The following INPP5D variants were observed in gnomAD, a reference collection of about 807,000 sequenced individuals.
INPP5D encodes inositol polyphosphate-5-phosphatase D, also known as phosphatidylinositol 3,4,5-trisphosphate 5-phosphatase 1.
Under a neutral mutation model 122.9 loss-of-function variants are expected in INPP5D, and 33 were observed. That is an observed-to-expected ratio of 0.27 (90% CI 0.20 to 0.36). INPP5D has a LOEUF of 0.36. Ranked by LOEUF, INPP5D falls within the 10% of genes least tolerant of loss-of-function variation. INPP5D has a pLI of 1.00. For missense variants in INPP5D, 1,053 were observed against 1,412.7 expected (o/e 0.75, Z 4.08); for synonymous variants, 584 against 576.2 (o/e 1.01, Z -0.19).
intron 6 of INPP5D, among the ~76,000 whole-genome samples, chr2:233,143,998 G>A (rs1693682360): frequency 6.9e-6 from 1 of 144,618 alleles, no homozygotes; most frequent in Non-Finnish European, 1.5e-5. Flanking sequence ...GATGGTGGAG[G>A]TGGTCATGAT....
rs1267590705 is a variant in INPP5D, at chr2:233,122,025, G to T, written c.199-82G>T. The T allele has an allele frequency of 2.0e-6, 3 of 1,518,862 alleles. No homozygotes were observed. The East Asian group carries it at 6.8e-5, about 34-fold the overall frequency. The allele number at this position is 1,518,862 out of a possible 1,614,324, so 94.1% of individuals were successfully genotyped here. The stretch of plus-strand genomic sequence containing the variant: ...CGCAGTCACTCCCTCCGCCTCGCTG[G>T]TCTCTGCTGCAGTTGGCCTTTGTGG... On this transcript the variant is annotated intron_variant, in intron 2 of 26. Transcript: ENST00000445964.
intron 6 of INPP5D, among the ~76,000 whole-genome samples, chr2:233,142,780 G>A (rs1693658571): frequency 6.6e-6 from 1 of 152,148 alleles, no homozygotes; most frequent in Non-Finnish European, 1.5e-5. Flanking sequence ...TAAACCCTCA[G>A]GTAGCAGTCA....
intron 9 of INPP5D, among the ~76,000 whole-genome samples, chr2:233,148,493 A>G (rs987308094): frequency 1.3e-5 from 2 of 152,174 alleles, no homozygotes; most frequent in African/African-American, 4.8e-5. Flanking sequence ...CAGCTAGCAG[A>G]GCAGCATGTG....
At chr2:233,114,025 T>C (rs113896321) in intron 2 of INPP5D, among the ~76,000 whole-genome samples, 47,880 of 151,312 alleles carry the variant, frequency 0.32, 10,808 homozygotes, top group African/African-American at 0.64. Flanking sequence ...ATTCTCCTGC[T>C]TCAGCCTCCC....
rs1470602966 is a variant in INPP5D at position 233,082,885 on chromosome 2, T to C, written c.198+3487T>C. 6.6e-6 allele frequency among the ~76,000 whole-genome samples: 1 copy of C among 152,220 alleles called. No individual in the cohort carries two copies. The highest frequency in any genetic ancestry group is 1.5e-5 in the Non-Finnish European group (1 of 68,030). On this transcript the variant is annotated intron_variant, in intron 2 of 26. Coordinates refer to ENST00000445964, the MANE Select transcript of INPP5D (RefSeq NM_001017915.3). This position sits in a 1 kb window ranked among gnomAD's most constrained non-coding sequence, Gnocchi z 4.7. ...CCCGGCTAAGCTTTCTTCCTTCCAA[T>C]CCAGAAGGTGTTTCCAAGCCTGTCT... is the stretch of plus-strand genomic sequence containing the variant.
chr2:233,079,493 G>C (rs1198144609), intron 2 of INPP5D, 95 bp downstream of exon 2: 4 of 823,576 alleles, frequency 4.9e-6, no homozygotes, highest in Non-Finnish European at 8.3e-6. Flanking sequence ...GCACGCGCAG[G>C]TAGCCGGACG....
chr2:233,072,096 G>A lies in INPP5D; in HGVS notation c.135-7239G>A, dbSNP rs891714100. On this transcript the variant is annotated intron_variant, in intron 1 of 26. Transcript: ENST00000445964. ...TCCACCTCAAGGAGACATACTGTGA[G>A]AATCGCTATGGACCACCTGGGAAGG... Among the ~76,000 whole-genome samples, 159 of 152,354 alleles carry A rather than the reference G, an allele frequency of 1.0e-3. 2 individuals are homozygous for A. The highest frequency in any genetic ancestry group is 4.7e-4 in the Non-Finnish European group (32 of 68,028).
intron 1 of INPP5D, among the ~76,000 whole-genome samples, chr2:233,063,093 G>A (rs988708636): frequency 2.0e-5 from 3 of 152,180 alleles, no homozygotes; most frequent in Non-Finnish European, 2.9e-5. Flanking sequence ...GTGGCCTGAC[G>A]GAGACGGCAG....
At chr2:233,098,457 C>G (rs1254686793) in intron 2 of INPP5D, among the ~76,000 whole-genome samples, 1 of 152,198 alleles carries the variant, frequency 6.6e-6, no homozygotes, top group Non-Finnish European at 1.5e-5. Context: ...AGGAAACTCT[C>G]AGGCCACAAC....
chr2:233,105,789 A>G lies in INPP5D; in HGVS notation c.199-16318A>G, dbSNP rs61068452. On this transcript the variant is annotated intron_variant, in intron 2 of 26. Coordinates refer to ENST00000445964, the MANE Select transcript of INPP5D (RefSeq NM_001017915.3). This position sits in a 1 kb window ranked among gnomAD's most constrained non-coding sequence, Gnocchi z 4.0. ...GGCCACAGGAGGACAGGCTGCCAGC[A>G]AGTGGAGGGTGCCAGGGAGAGAGTG... Among the ~76,000 whole-genome samples, 24,177 of 152,050 alleles carry G rather than the reference A, an allele frequency of 0.16. 4,166 individuals carry two copies. Among genetic ancestry groups the G allele is most frequent in the African/African-American group, 0.43 (17,787 of 41,438 alleles).
At chr2:233,166,983 CAAA>C (rs762605517) in intron 13 of INPP5D, among the ~76,000 whole-genome samples, 1 of 125,572 alleles carries the variant, frequency 8.0e-6, no homozygotes, top group Non-Finnish European at 1.7e-5. Flanking sequence ...GACTCTATCT[CAAA>C]AAAAAAAAAA....
chr2:233,169,740 C>T lies in INPP5D; in HGVS notation c.1653-286C>T, dbSNP rs937337839. ...CCTAGCTGGGGCCCAGGAATGAAGA[C>T]AGCCATCTAGAATCTTCACTGTTCT... On this transcript the variant is annotated intron_variant, in intron 14 of 26. Transcript: ENST00000445964. 1.0e-5 allele frequency: 6 copies of T among 590,628 alleles called. No individual in the cohort carries two copies. In the Admixed American group the frequency reaches 1.6e-4, roughly 16 times the overall value. The allele number at this position is 590,628 out of a possible 1,614,324, so 36.6% of individuals were successfully genotyped here. A position where few individuals can be genotyped will look rare whatever the true frequency, so the allele number is the denominator to read the frequency against.
chr2:233,064,835 G>A (rs4073363), intron 1 of INPP5D, among the ~76,000 whole-genome samples: 75,950 of 152,116 alleles, frequency 0.5, 19,623 homozygotes, highest in East Asian at 0.9. Flanking sequence ...AAGCTGTGGT[G>A]TGAGCGGGTG....
At chr2:233,134,812 C>A (rs1432489444) in intron 5 of INPP5D, among the ~76,000 whole-genome samples, 1 of 152,012 alleles carries the variant, frequency 6.6e-6, no homozygotes, top group East Asian at 1.9e-4. Context: ...ATAAACAAAC[C>A]AAAACCAAAA....
At chr2:233,195,647 G>C (rs1695165426) in intron 24 of INPP5D, among the ~76,000 whole-genome samples, 152 bp downstream of exon 24, 1 of 152,176 alleles carries the variant, frequency 6.6e-6, no homozygotes, top group South Asian at 2.1e-4. Flanking sequence ...AGGAGTTTGA[G>C]ACCAGCCTGA....
In INPP5D at chr2:233,079,473, G is replaced by A. The variant is rs1574708224; in HGVS notation, c.198+75G>A. 18 of 962,042 alleles carry A rather than the reference G, an allele frequency of 1.9e-5. No individual in the cohort carries two copies. In the East Asian group the frequency reaches 4.1e-4, roughly 22 times the overall value. The allele number at this position is 962,042 out of a possible 1,614,324, so 59.6% of individuals were successfully genotyped here. ...GGCAGAGAAAGGGTGTAAACGATGA[G>A]GAAGGAAGTGCACGCGCAGGTAGCC... On this transcript the variant is annotated intron_variant, in intron 2 of 26. Transcript: ENST00000445964.
At chr2:233,163,534 T>A (rs1423718274) in intron 11 of INPP5D, among the ~76,000 whole-genome samples, 173 bp from the exon 12 acceptor site, 2 of 152,112 alleles carry the variant, frequency 1.3e-5, no homozygotes, top group Non-Finnish European at 2.9e-5. Context: ...CTAACCGACA[T>A]CCTGGGTGAG....
chr2:233,171,173 C>G, intron 17 of INPP5D, 21 bp downstream of exon 17: 1 of 1,612,070 alleles, frequency 6.2e-7, no homozygotes, highest in Non-Finnish European at 8.5e-7. Context: ...TTCATAGACA[C>G]CTTCCCTGCC....
At chr2:233,175,380 A>G (rs967767766) in intron 17 of INPP5D, among the ~76,000 whole-genome samples, 3 of 152,198 alleles carry the variant, frequency 2.0e-5, no homozygotes, top group Admixed American at 2.0e-4. Flanking sequence ...AGTCCAACAT[A>G]AAAGAGTATC....
Sources: allele counts gnomAD v4.1 joint callset (sites outside exome capture counted in the v4.1 genomes callset), GRCh38; gene constraint gnomAD v4.1.1; non-coding constraint Gnocchi (gnomAD v3.1); transcripts MANE v1.5; gene names NCBI Gene and HGNC (gene_info 2026-07-23, HGNC 2026-07-21).